CLEC18B: variants seen among roughly 807,000 people sequenced by gnomAD.
CLEC18B encodes mannose receptor-like 2.
A neutral mutation model predicts 60.4 loss-of-function variants in CLEC18B; 5 were observed. That is an observed-to-expected ratio of 0.08 (90% confidence interval 0.04 to 0.17). The LOEUF (loss-of-function observed/expected upper bound fraction) is 0.17, where lower values mean the gene tolerates loss of function less well. Among genes scored for constraint, CLEC18B ranks in the 10% least tolerant of loss-of-function variants. The pLI, the probability that CLEC18B is intolerant of heterozygous loss-of-function variation, is 1.00. For missense variants in CLEC18B, 26 were observed against 572.8 expected, an observed-to-expected ratio of 0.05 and a Z score of 9.74; for synonymous variants, 16 against 221.2, an observed-to-expected ratio of 0.07 and a Z score of 8.23.
intron 2 of CLEC18B, among the ~76,000 whole-genome samples, chr16:74,419,170 G>A (rs1308208121): frequency 6.6e-6 from 1 of 152,266 alleles, no homozygotes; most frequent in African/African-American, 2.4e-5. Flanking sequence ...GATCTCCCGA[G>A]ACTCCCTGAG....
intron 1 of CLEC18B, 36 bp from the exon 2 acceptor site, chr16:74,420,628 T>TG: frequency 1.4e-6 from 1 of 717,054 alleles, no homozygotes; most frequent in Non-Finnish European, 2.3e-6. Context: ...AGCCCGAGGA[T>TG]GGGGGGACCT....
upstream of CLEC18B, chr16:74,422,261 G>C (rs1331011595): frequency 6.5e-6 from 1 of 152,974 alleles, no homozygotes; most frequent in Non-Finnish European, 1.5e-5. Context: ...ATGGCTTCCT[G>C]CGGGCTGCAG....
At chr16:74,410,392 T>C (rs2013080763) in intron 10 of CLEC18B, 144 bp downstream of exon 10, 1 of 1,278,772 alleles carries the variant, frequency 7.8e-7, no homozygotes, top group Non-Finnish European at 1.1e-6. Context: ...ACACCAGCTG[T>C]GCCCACAACT....
intron 4 of CLEC18B, 134 bp from the exon 5 acceptor site, chr16:74,413,292 G>C (rs2013266928): frequency 6.5e-7 from 1 of 1,535,078 alleles, no homozygotes; most frequent in Admixed American, 1.8e-5. Context: ...AGCTGGGTGA[G>C]ATAGGGAGAT....
chr16:74,420,014 G>A (rs1306428952), intron 2 of CLEC18B, among the ~76,000 whole-genome samples: 1 of 152,274 alleles, frequency 6.6e-6, no homozygotes, highest in African/African-American at 2.4e-5. Context: ...AAATGTGGAC[G>A]AGTGAGTGAG....
chr16:74,422,423 G>A (rs1195619427), upstream of CLEC18B: 1 of 151,734 alleles, frequency 6.6e-6, no homozygotes, highest in Non-Finnish European at 1.5e-5. Flanking sequence ...CAACTCCGTG[G>A]AAGCTCTGCT....
At chr16:74,421,020 T>C in intron 1 of CLEC18B, 127 bp downstream of exon 1, 1 of 1,362,470 alleles carries the variant, frequency 7.3e-7, no homozygotes, top group Non-Finnish European at 9.5e-7. Context: ...TCCCAGGGCT[T>C]CCTCATTAAA....
rs537845056 is a variant in CLEC18B at position 74,413,166 on chromosome 16, G to A, written c.555-8C>T. Reference sequence around the variant, plus strand: ...TTGACCTCCCAGTTGCCTCTGTGAGGACGAGCAGGCACCACAGGGTGTGGG... The same window carrying A: ...TTGACCTCCCAGTTGCCTCTGTGAGAACGAGCAGGCACCACAGGGTGTGGG... On this transcript the variant is annotated splice_region_variant and splice_polypyrimidine_tract_variant and intron_variant, in intron 4 of 11. Coordinates refer to ENST00000682950, the MANE Select transcript of CLEC18B (RefSeq NM_001385193.1). 1 of 1,611,990 alleles carries A rather than the reference G, an allele frequency of 6.2e-7. No individual in the cohort carries two copies. The highest frequency in any genetic ancestry group is 1.1e-5 in the South Asian group (1 of 91,002).
upstream of CLEC18B, chr16:74,422,244 A>C (rs1048158461): frequency 6.5e-6 from 1 of 152,780 alleles, no homozygotes; most frequent in African/African-American, 2.4e-5. Context: ...AGTTTCTCAG[A>C]AAATACATGG....
chr16:74,414,609 T>TC (rs1463571811), intron 3 of CLEC18B, among the ~76,000 whole-genome samples: 6 of 133,052 alleles, frequency 4.5e-5, no homozygotes, highest in African/African-American at 1.7e-4. Flanking sequence ...CACAGCCAGC[T>TC]CCCAGCCGGC....
At chr16:74,413,849 C>CTTTTTTATTTA (rs10676553) in intron 3 of CLEC18B, among the ~76,000 whole-genome samples, 173 bp from the exon 4 acceptor site, 1 of 149,352 alleles carries the variant, frequency 6.7e-6, no homozygotes, top group Non-Finnish European at 1.5e-5. Flanking sequence ...TTCAGGAAGG[C>CTTTTTTATTTA]TTATTTATTT....
At chr16:74,423,637 C>G (rs1328156626), upstream of CLEC18B, among the ~76,000 whole-genome samples, 1 of 151,662 alleles carries the variant, frequency 6.6e-6, no homozygotes, top group Non-Finnish European at 1.5e-5. Flanking sequence ...TGCAGTGAAG[C>G]AAGATGGCAC....
upstream of CLEC18B, chr16:74,421,665 G>A (rs1436589956): frequency 4.2e-5 from 18 of 424,470 alleles, no homozygotes; most frequent in Non-Finnish European, 6.7e-5. Flanking sequence ...ATTAGTGACC[G>A]ATGGCCGTGT....
At chr16:74,413,894 T>C (rs1483664222) in intron 3 of CLEC18B, among the ~76,000 whole-genome samples, 1 of 152,230 alleles carries the variant, frequency 6.6e-6, no homozygotes, top group East Asian at 1.9e-4. Context: ...ATTTTTGAGA[T>C]GGAGTTTTGC....
At chr16:74,415,634 G>A (rs1255176353) in intron 3 of CLEC18B, among the ~76,000 whole-genome samples, 1 of 149,834 alleles carries the variant, frequency 6.7e-6, no homozygotes, top group Non-Finnish European at 1.5e-5. Context: ...AATAATAGAG[G>A]CTGGGCGTGG....
intron 3 of CLEC18B, among the ~76,000 whole-genome samples, chr16:74,414,221 T>A (rs544224320): frequency 1.3e-5 from 2 of 152,400 alleles, no homozygotes; most frequent in East Asian, 3.8e-4. Flanking sequence ...GGGAGGTACC[T>A]GAAATGAGGG....
chr16:74,422,211 G>C (rs2013714787), upstream of CLEC18B: 1 of 152,228 alleles, frequency 6.6e-6, no homozygotes, highest in African/African-American at 2.4e-5. Flanking sequence ...GAGTGAGCTG[G>C]AGCAGATCTG....
rs764140263 is a variant in CLEC18B, at chr16:74,413,689, C to T, written c.457-13G>A. 4 of 1,612,902 alleles carry T rather than the reference C, an allele frequency of 2.5e-6. No individual in the cohort carries two copies. Among genetic ancestry groups the T allele is most frequent in the Admixed American group, 1.7e-5 (1 of 59,900 alleles). ...TGGCCCACACGAGCTACAGGAGACACAGGGGATCAGAAACCCTATTGTGAA... is the reference window on the plus strand; with the variant it reads ...TGGCCCACACGAGCTACAGGAGACATAGGGGATCAGAAACCCTATTGTGAA... On this transcript the variant is annotated splice_polypyrimidine_tract_variant and intron_variant, in intron 3 of 11. Coordinates refer to ENST00000682950, the MANE Select transcript of CLEC18B (RefSeq NM_001385193.1).
upstream of CLEC18B, among the ~76,000 whole-genome samples, chr16:74,423,729 G>C (rs2142779375): frequency 7.0e-6 from 1 of 142,410 alleles, no homozygotes; most frequent in East Asian, 2.1e-4. Flanking sequence ...AGTCCCAGGA[G>C]AGCAAGGTTC....
Sources: allele counts gnomAD v4.1 joint callset (sites outside exome capture counted in the v4.1 genomes callset), GRCh38; gene constraint gnomAD v4.1.1; transcripts MANE v1.5; gene names NCBI Gene and HGNC (gene_info 2026-07-23, HGNC 2026-07-21).